The following ZNF521 variants were observed in gnomAD, a reference collection of about 807,000 sequenced individuals.
The protein encoded by ZNF521 is LYST-interacting protein 3.
A neutral mutation model predicts 105.5 loss-of-function variants in ZNF521; 14 were observed. The observed-to-expected ratio is 0.13, with a 90% CI of 0.09 to 0.21. ZNF521 has a LOEUF of 0.21. Among genes scored for constraint, ZNF521 ranks in the 10% least tolerant of loss-of-function variants. The pLI, the probability that ZNF521 is intolerant of heterozygous loss-of-function variation, is 1.00. For synonymous variants in ZNF521, 635 were observed against 606.0 expected (o/e 1.05, Z -0.70); for missense variants, 1,233 against 1,629.7 (o/e 0.76, Z 4.19).
chr18:25,242,603 T>C (rs1029285137), intron 3 of ZNF521, among the ~76,000 whole-genome samples: 44 of 152,348 alleles, frequency 2.9e-4, no homozygotes, highest in African/African-American at 9.1e-4. Flanking sequence ...TATTTAGATG[T>C]ATAAGATTTA....
chr18:25,285,712 A>T (rs866617892), intron 3 of ZNF521, among the ~76,000 whole-genome samples: 2,348 of 151,942 alleles, frequency 0.015, 57 homozygotes, highest in African/African-American at 0.054. Flanking sequence ...ACACACACAC[A>T]CACACACACA....
chr18:25,313,566 T>A (rs1230736752), intron 3 of ZNF521, among the ~76,000 whole-genome samples: 1 of 152,226 alleles, frequency 6.6e-6, no homozygotes, highest in Non-Finnish European at 1.5e-5. Flanking sequence ...CCACCACTGA[T>A]AACAACCTCA....
In ZNF521 at chr18:25,203,067, G is replaced by A. The variant is rs374991956; in HGVS notation, c.3574-7823C>T. Among the ~76,000 whole-genome samples, 11 of 152,112 alleles carry A rather than the reference G, an allele frequency of 7.2e-5. No homozygotes were observed. In the East Asian group the frequency reaches 1.2e-3, roughly 16 times the overall value. On this transcript the variant is annotated intron_variant, in intron 4 of 7. Coordinates refer to ENST00000361524, the MANE Select transcript of ZNF521 (RefSeq NM_015461.3). Reference sequence around the variant, plus strand: ...CCTCAACAACCAAGAGATATTAACCGTGATCCCTAAACTCAAGGCATTACA... The same window carrying A: ...CCTCAACAACCAAGAGATATTAACCATGATCCCTAAACTCAAGGCATTACA...
At chr18:25,063,619 G>A (rs1372971300) in intron 7 of ZNF521, among the ~76,000 whole-genome samples, 3 of 152,208 alleles carry the variant, frequency 2.0e-5, no homozygotes, top group Non-Finnish European at 4.4e-5. Flanking sequence ...TGGTCATTCA[G>A]CCTGTATTCA....
chr18:25,349,645 C>T (rs1301827908), intron 2 of ZNF521, among the ~76,000 whole-genome samples: 2 of 151,882 alleles, frequency 1.3e-5, no homozygotes, highest in Admixed American at 6.6e-5. Flanking sequence ...CCCTTTTCCC[C>T]GGGCCGGCGG....
chr18:25,209,234 C>T (rs1252651919), intron 4 of ZNF521, among the ~76,000 whole-genome samples: 4 of 151,870 alleles, frequency 2.6e-5, no homozygotes, highest in Admixed American at 2.0e-4. Flanking sequence ...TAGGTTCAAG[C>T]GATTCTTCTG....
intron 5 of ZNF521, among the ~76,000 whole-genome samples, chr18:25,152,626 C>A (rs916448134): frequency 1.3e-5 from 2 of 151,904 alleles, no homozygotes; most frequent in Non-Finnish European, 2.9e-5. Context: ...AGTTTTACAT[C>A]GGGTACAAAG....
intron 5 of ZNF521, among the ~76,000 whole-genome samples, chr18:25,165,741 T>C (rs1600109178): frequency 6.6e-6 from 1 of 152,254 alleles, no homozygotes; most frequent in Admixed American, 6.5e-5. Flanking sequence ...AATTGGATTC[T>C]TTCTTTGAAA....
At chr18:25,234,821 G>T (rs1963790134) in intron 3 of ZNF521, among the ~76,000 whole-genome samples, 2 of 151,082 alleles carry the variant, frequency 1.3e-5, no homozygotes, top group Admixed American at 1.3e-4. Context: ...TGACTTAAAG[G>T]GCATTTCTGT....
intron 2 of ZNF521, among the ~76,000 whole-genome samples, chr18:25,350,082 C>T (rs1914659419): frequency 2.0e-5 from 3 of 152,206 alleles, no homozygotes; most frequent in Admixed American, 6.5e-5. Flanking sequence ...CGCCACATTC[C>T]AACACAGCCA....
chr18:25,243,277 A>G (rs1907474149), intron 3 of ZNF521, among the ~76,000 whole-genome samples: 1 of 152,172 alleles, frequency 6.6e-6, no homozygotes, highest in African/African-American at 2.4e-5. Context: ...AAGCCAAATT[A>G]AATGGTATCA....
intron 5 of ZNF521, among the ~76,000 whole-genome samples, chr18:25,137,758 T>A (rs555969306): frequency 6.6e-6 from 1 of 152,148 alleles, no homozygotes; most frequent in Non-Finnish European, 1.5e-5. Context: ...AGACATCGAG[T>A]CCAACGCCTT....
At chr18:25,283,000 T>C (rs891062595) in intron 3 of ZNF521, among the ~76,000 whole-genome samples, 6 of 152,196 alleles carry the variant, frequency 3.9e-5, no homozygotes, top group Non-Finnish European at 8.8e-5. Context: ...CTCCAATGCA[T>C]TAAACCTACA....
intron 3 of ZNF521, among the ~76,000 whole-genome samples, chr18:25,269,816 T>G (rs1040381114): frequency 6.6e-6 from 1 of 152,180 alleles, no homozygotes; most frequent in African/African-American, 2.4e-5. Flanking sequence ...TTTATAGCAC[T>G]AAATGCCCAC....
chr18:25,117,128 G>T (rs2034344577), intron 5 of ZNF521, among the ~76,000 whole-genome samples: 1 of 149,674 alleles, frequency 6.7e-6, no homozygotes, highest in Admixed American at 6.7e-5. Flanking sequence ...TCCTGCTCTT[G>T]TATGGTTCAG....
intron 2 of ZNF521, among the ~76,000 whole-genome samples, chr18:25,347,877 C>T (rs1292312045): frequency 1.3e-5 from 2 of 152,192 alleles, no homozygotes; most frequent in Non-Finnish European, 2.9e-5. Context: ...TCAGCAATAT[C>T]TTTTACATCT....
intron 3 of ZNF521, among the ~76,000 whole-genome samples, chr18:25,283,723 T>A (rs1241724353): frequency 6.6e-6 from 1 of 152,240 alleles, no homozygotes; most frequent in Non-Finnish European, 1.5e-5. Context: ...CTGACCCTTT[T>A]TAACTTCAAA....
rs140387459 is a variant in ZNF521, at chr18:25,249,525, G to T, written c.221-21828C>A. Reference sequence around the variant, plus strand: ...CACCCAGGTTGGAGGGCAGTGGCACGATCTTGGCTCACTGCAGCCTCTGCC... The same window carrying T: ...CACCCAGGTTGGAGGGCAGTGGCACTATCTTGGCTCACTGCAGCCTCTGCC... On this transcript the variant is annotated intron_variant, in intron 3 of 7. Transcript: ENST00000361524. Among the ~76,000 whole-genome samples, 467 of 149,894 alleles carry T rather than the reference G, an allele frequency of 3.1e-3. 3 individuals carry two copies. The highest frequency in any genetic ancestry group is 0.011 in the African/African-American group (439 of 40,624).
chr18:25,258,917 A>G (rs1016002383), intron 3 of ZNF521, among the ~76,000 whole-genome samples: 2 of 152,208 alleles, frequency 1.3e-5, no homozygotes, highest in African/African-American at 4.8e-5. Context: ...GCTATCATCT[A>G]TTGAGTAATG....
Sources: gnomAD v4.1 joint callset for allele counts (sites outside exome capture counted in the v4.1 genomes callset) on GRCh38, gnomAD v4.1.1 for gene constraint, MANE v1.5 for transcripts, NCBI Gene and HGNC (gene_info 2026-07-23, HGNC 2026-07-21) for gene names.